The following CCSER1 variants were observed in gnomAD, a reference collection of about 807,000 sequenced individuals.
The protein encoded by CCSER1 is serine-rich coiled-coil domain-containing protein 1.
CCSER1 carries 41 observed loss-of-function variants against 82.0 expected under a neutral mutation model. The ratio of observed to expected loss-of-function variants is 0.50; its 90% CI spans 0.39 to 0.65. CCSER1 has a LOEUF of 0.65. CCSER1 is among the 30% of genes least tolerant of loss of function. The pLI is 0.00. For missense variants in CCSER1, 1,119 were observed against 1,064.2 expected (o/e 1.05, Z -0.72); for synonymous variants, 414 against 383.9 (o/e 1.08, Z -0.92).
At chr4:90,977,669 A>C (rs773199496) in intron 9 of CCSER1, among the ~76,000 whole-genome samples, 1 of 151,614 alleles carries the variant, frequency 6.6e-6, no homozygotes, top group Non-Finnish European at 1.5e-5. Context: ...TTGCTTTCTT[A>C]TAATTTGAAT....
chr4:90,972,365 A>AT, intron 9 of CCSER1, among the ~76,000 whole-genome samples: 1 of 151,948 alleles, frequency 6.6e-6, no homozygotes, highest in Admixed American at 6.6e-5. Flanking sequence ...AGTTTATACA[A>AT]TTTTTATACA....
intron 1 of CCSER1, among the ~76,000 whole-genome samples, chr4:90,154,939 G>A (rs1212502035): frequency 6.6e-6 from 1 of 152,044 alleles, no homozygotes; most frequent in Non-Finnish European, 1.5e-5. Context: ...GGTGAGAGAG[G>A]GCATCCTTGT....
chr4:91,126,734 A>C (rs994588948), intron 10 of CCSER1, among the ~76,000 whole-genome samples: 1 of 152,054 alleles, frequency 6.6e-6, no homozygotes, highest in African/African-American at 2.4e-5. Flanking sequence ...AGCTTAGTCA[A>C]TTGAGGTAAG....
chr4:90,502,320 C>A (rs1356980286), intron 5 of CCSER1, among the ~76,000 whole-genome samples: 1 of 152,112 alleles, frequency 6.6e-6, no homozygotes, highest in Non-Finnish European at 1.5e-5. Context: ...AGGGGAAGTG[C>A]AACACCCTTT....
chr4:90,606,797 G>C (rs1306233764), intron 5 of CCSER1, among the ~76,000 whole-genome samples: 6 of 152,080 alleles, frequency 3.9e-5, no homozygotes, highest in Admixed American at 3.9e-4. Flanking sequence ...TAGCCCAGGG[G>C]CATCCCAAAC....
intron 4 of CCSER1, among the ~76,000 whole-genome samples, chr4:90,448,775 G>A (rs1474424407): frequency 3.9e-5 from 6 of 151,968 alleles, no homozygotes; most frequent in Admixed American, 2.6e-4. Context: ...AGCGAGAAGG[G>A]CTGCAGCTCT....
chr4:90,716,786 A>G (rs1741722073), intron 6 of CCSER1, among the ~76,000 whole-genome samples: 1 of 152,150 alleles, frequency 6.6e-6, no homozygotes, highest in Non-Finnish European at 1.5e-5. Context: ...CACAGTGACA[A>G]AAGCACCTAA....
intron 10 of CCSER1, among the ~76,000 whole-genome samples, chr4:91,456,123 C>T (rs1306376834): frequency 1.3e-5 from 2 of 151,992 alleles, no homozygotes; most frequent in African/African-American, 4.8e-5. Flanking sequence ...AGTCTGAGTT[C>T]CAGCCTGGTC....
chr4:90,403,334 C>T (rs1440135646), intron 4 of CCSER1, among the ~76,000 whole-genome samples: 5 of 151,082 alleles, frequency 3.3e-5, no homozygotes, highest in East Asian at 3.9e-4. Flanking sequence ...CCCGTCTCTA[C>T]TAAAAATACA....
chr4:91,158,662 C>A (rs886879284), intron 10 of CCSER1, among the ~76,000 whole-genome samples: 10 of 151,520 alleles, frequency 6.6e-5, no homozygotes, highest in African/African-American at 2.4e-4. Context: ...CTGGGATGGA[C>A]ACACAAACGT....
At chr4:90,414,883 T>A (rs770789828) in intron 4 of CCSER1, among the ~76,000 whole-genome samples, 3 of 152,192 alleles carry the variant, frequency 2.0e-5, no homozygotes, top group African/African-American at 7.2e-5. Context: ...TTTTTCTTTA[T>A]GTAGTTTCAC....
chr4:90,351,809 C>A (rs914342962), intron 3 of CCSER1, among the ~76,000 whole-genome samples: 13 of 151,968 alleles, frequency 8.6e-5, no homozygotes, highest in Non-Finnish European at 2.9e-5. Context: ...TTTATCTTTG[C>A]ATAAGAAATT....
chr4:90,656,600 A>G, intron 6 of CCSER1, among the ~76,000 whole-genome samples: 1 of 151,922 alleles, frequency 6.6e-6, no homozygotes, highest in East Asian at 1.9e-4. Context: ...ATTCAGATTT[A>G]AAAATCCTTT....
At chr4:91,066,096 A>C (rs1393979725) in intron 9 of CCSER1, among the ~76,000 whole-genome samples, 5 of 152,162 alleles carry the variant, frequency 3.3e-5, no homozygotes, top group African/African-American at 1.2e-4. Flanking sequence ...TTGGAATGAG[A>C]TGTGCTTGAG....
At chr4:91,023,505 T>C (rs1398839155) in intron 9 of CCSER1, among the ~76,000 whole-genome samples, 3 of 152,130 alleles carry the variant, frequency 2.0e-5, no homozygotes, top group Non-Finnish European at 4.4e-5. Flanking sequence ...TAATGCCACA[T>C]ATCTACAACC....
chr4:91,205,422 C>A (rs1230616029), intron 10 of CCSER1, among the ~76,000 whole-genome samples: 7 of 151,692 alleles, frequency 4.6e-5, no homozygotes. Context: ...CAATTCATGT[C>A]TCTTTAACCT....
intron 8 of CCSER1, among the ~76,000 whole-genome samples, chr4:90,858,322 C>A (rs922136497): frequency 2.6e-5 from 4 of 151,970 alleles, no homozygotes. Flanking sequence ...CATCACAAAT[C>A]GCTTAAGTAA....
chr4:91,470,598 C>T (rs950679836), intron 10 of CCSER1, among the ~76,000 whole-genome samples: 1 of 152,068 alleles, frequency 6.6e-6, no homozygotes, highest in African/African-American at 2.4e-5. Flanking sequence ...ACCACCTAGC[C>T]AGCATATAGA....
chr4:91,405,230 T>C (rs1187107142), intron 10 of CCSER1, among the ~76,000 whole-genome samples: 2 of 152,170 alleles, frequency 1.3e-5, no homozygotes, highest in Admixed American at 1.3e-4. Flanking sequence ...CTGGTTTTTT[T>C]TTTTGTTTTC....
Sources: gnomAD v4.1 joint callset for allele counts (sites outside exome capture counted in the v4.1 genomes callset) on GRCh38, gnomAD v4.1.1 for gene constraint, MANE v1.5 for transcripts, NCBI Gene and HGNC (gene_info 2026-07-23, HGNC 2026-07-21) for gene names.